The following SETBP1 variants were observed in gnomAD, a reference collection of about 807,000 sequenced individuals.
The protein encoded by SETBP1 is SET binding protein 1, also known as SET-binding protein.
Under a neutral mutation model 101.0 loss-of-function variants are expected in SETBP1, and 9 were observed. The observed-to-expected ratio is 0.09, with a 90% CI of 0.05 to 0.16. SETBP1 has a LOEUF of 0.16. Ranked by LOEUF, SETBP1 falls within the 10% of genes least tolerant of loss-of-function variation. The pLI is 1.00. For missense variants in SETBP1, 1,858 were observed against 2,033.8 expected (o/e 0.91, Z 1.66); for synonymous variants, 818 against 788.5 (o/e 1.04, Z -0.63).
intron 3 of SETBP1, among the ~76,000 whole-genome samples, chr18:44,908,718 T>C (rs2070235213): frequency 6.6e-6 from 1 of 152,222 alleles, no homozygotes; most frequent in Non-Finnish European, 1.5e-5. Context: ...TGTCAATATC[T>C]GTAGAAAGGC....
rs557943064 is a variant in SETBP1 at position 44,739,659 on chromosome 18, C to T, written c.486+37827C>T. ...TTCAGGTCTTTCACATTTAAAATACCCTGAAAGGATAATTTTGGTTATTCA... is the reference window on the plus strand; with the variant it reads ...TTCAGGTCTTTCACATTTAAAATACTCTGAAAGGATAATTTTGGTTATTCA... On this transcript the variant is annotated intron_variant, in intron 2 of 5. Coordinates refer to ENST00000649279, the MANE Select transcript of SETBP1 (RefSeq NM_015559.3). Among the ~76,000 whole-genome samples the T allele has an allele frequency of 1.6e-3, 249 of 151,850 alleles. 2 individuals carry two copies. The highest frequency in any genetic ancestry group is 5.8e-3 in the African/African-American group (239 of 41,342).
chr18:45,061,419 A>T (rs1456065870), intron 5 of SETBP1, among the ~76,000 whole-genome samples: 1 of 152,144 alleles, frequency 6.6e-6, no homozygotes, highest in Non-Finnish European at 1.5e-5. Flanking sequence ...TACAAAACTA[A>T]CTACAAAAAT....
chr18:44,805,192 G>A (rs2071701046), intron 2 of SETBP1, among the ~76,000 whole-genome samples: 1 of 152,144 alleles, frequency 6.6e-6, no homozygotes, highest in South Asian at 2.1e-4. Context: ...GGATTTAAAT[G>A]TATCAGAAGA....
chr18:44,707,570 A>G (rs1337665247), intron 2 of SETBP1, among the ~76,000 whole-genome samples: 2 of 152,222 alleles, frequency 1.3e-5, no homozygotes, highest in African/African-American at 4.8e-5. Context: ...GACCGTCATC[A>G]TATGCCTAGG....
chr18:44,778,300 T>C (rs758777605), intron 2 of SETBP1, among the ~76,000 whole-genome samples: 24 of 152,178 alleles, frequency 1.6e-4, no homozygotes, highest in Admixed American at 1.4e-3. Context: ...GGGCCTATTC[T>C]CAAAAACCTG....
intron 4 of SETBP1, among the ~76,000 whole-genome samples, chr18:44,991,199 C>T (rs1328746996): frequency 9.4e-5 from 13 of 138,042 alleles, no homozygotes; most frequent in Middle Eastern, 4.1e-3. Flanking sequence ...ACCAAGGTTG[C>T]GCCACTGCAC....
intron 4 of SETBP1, among the ~76,000 whole-genome samples, chr18:44,965,782 G>A (rs2071709592): frequency 6.6e-6 from 1 of 152,146 alleles, no homozygotes; most frequent in African/African-American, 2.4e-5. Flanking sequence ...TGCAGTATCT[G>A]TCTTATAGAG....
chr18:44,704,412 T>A (rs911843423), intron 2 of SETBP1, among the ~76,000 whole-genome samples: 3 of 152,230 alleles, frequency 2.0e-5, no homozygotes, highest in African/African-American at 4.8e-5. Context: ...TGCACAGTGC[T>A]CTTTATGATG....
chr18:45,068,465 A>G lies in SETBP1; in HGVS notation c.*4767A>G, dbSNP rs923925540. 1 of 152,166 alleles carries G rather than the reference A, an allele frequency of 6.6e-6. No individual in the cohort carries two copies. The highest frequency in any genetic ancestry group is 2.4e-5 in the African/African-American group (1 of 41,432). 9.4% of individuals were successfully genotyped at this position (152,166 alleles called of 1,614,324 possible). A position where few individuals can be genotyped will look rare whatever the true frequency, so the allele number is the denominator to read the frequency against. On this transcript the variant is annotated 3_prime_UTR_variant, in exon 6 of 6. Transcript: ENST00000649279. ...TAAAAAAAAAAAGTTAATCCTATTC[A>G]TATGTTATTCATTGTGTGAAATTAA...
At chr18:44,684,793 C>T (rs1598986880) in intron 1 of SETBP1, among the ~76,000 whole-genome samples, 1 of 151,960 alleles carries the variant, frequency 6.6e-6, no homozygotes, top group East Asian at 1.9e-4. Context: ...ATTACAGGCA[C>T]CCACCACCAT....
chr18:44,815,396 C>T (rs984880458), intron 2 of SETBP1, among the ~76,000 whole-genome samples: 13 of 152,140 alleles, frequency 8.5e-5, no homozygotes, highest in African/African-American at 2.9e-4. Flanking sequence ...ACGGGGCAGC[C>T]CGTATCTACT....
At chr18:44,804,853 T>C (rs1337677377) in intron 2 of SETBP1, among the ~76,000 whole-genome samples, 1 of 152,120 alleles carries the variant, frequency 6.6e-6, no homozygotes, top group African/African-American at 2.4e-5. Context: ...ATGGTTTTTT[T>C]CTCCGGATAT....
chr18:44,888,508 C>A (rs2069699160), intron 3 of SETBP1, among the ~76,000 whole-genome samples: 1 of 152,122 alleles, frequency 6.6e-6, no homozygotes, highest in African/African-American at 2.4e-5. Context: ...GGATGCACTT[C>A]CCATTTGGTG....
At position 44,857,139 on chromosome 18, in the gene SETBP1, G is replaced by C. The variant is rs1040854245; in HGVS notation, c.487-12091G>C. On this transcript the variant is annotated intron_variant, in intron 2 of 5. Coordinates refer to ENST00000649279, the MANE Select transcript of SETBP1 (RefSeq NM_015559.3). Reference sequence around the variant, plus strand: ...ATTAAAACTAGAGTTAAGTAGAAAGGGTTGTGGAGAAAACATGAAACCTCT... The same window carrying C: ...ATTAAAACTAGAGTTAAGTAGAAAGCGTTGTGGAGAAAACATGAAACCTCT... Among the ~76,000 whole-genome samples, 154 of 152,306 alleles carry C rather than the reference G, an allele frequency of 1.0e-3. 1 individual carries two copies. Among genetic ancestry groups the C allele is most frequent in the Middle Eastern group, 3.4e-3 (1 of 294 alleles).
At chr18:44,928,824 G>A (rs573457395) in intron 3 of SETBP1, among the ~76,000 whole-genome samples, 2 of 152,042 alleles carry the variant, frequency 1.3e-5, no homozygotes, top group Admixed American at 6.6e-5. Flanking sequence ...TAGATTCTAG[G>A]TATTAGCCCT....
intron 4 of SETBP1, among the ~76,000 whole-genome samples, chr18:45,002,839 T>C (rs143445209): frequency 1.4e-3 from 220 of 152,340 alleles, no homozygotes; most frequent in South Asian, 0.01. Context: ...GAAAATGTAA[T>C]CTGAGAAGGG....
chr18:45,009,873 T>C (rs1394339620), intron 4 of SETBP1, among the ~76,000 whole-genome samples: 1 of 152,174 alleles, frequency 6.6e-6, no homozygotes, highest in Non-Finnish European at 1.5e-5. Context: ...ATGCTGCTCA[T>C]GCCTCCTGCT....
intron 3 of SETBP1, among the ~76,000 whole-genome samples, chr18:44,933,749 C>A (rs1234842192): frequency 6.6e-6 from 1 of 152,238 alleles, no homozygotes; most frequent in African/African-American, 2.4e-5. Flanking sequence ...CCCTCCGAGC[C>A]AGGCACGGGA....
intron 2 of SETBP1, among the ~76,000 whole-genome samples, chr18:44,748,052 A>C (rs915640867): frequency 2.6e-5 from 4 of 152,204 alleles, no homozygotes; most frequent in Non-Finnish European, 5.9e-5. Context: ...CCCTGACTGC[A>C]CTGGAGTACA....
Sources: gnomAD v4.1 joint callset for allele counts (sites outside exome capture counted in the v4.1 genomes callset) on GRCh38, gnomAD v4.1.1 for gene constraint, MANE v1.5 for transcripts, NCBI Gene and HGNC (gene_info 2026-07-23, HGNC 2026-07-21) for gene names.